TRIM29: variants seen among roughly 807,000 people sequenced by gnomAD.
TRIM29 encodes tripartite motif-containing protein 29.
A neutral mutation model predicts 57.3 loss-of-function variants in TRIM29; 52 were observed. The ratio of observed to expected loss-of-function variants is 0.91; its 90% CI spans 0.73 to 1.14. The LOEUF (loss-of-function observed/expected upper bound fraction) is 1.14, where lower values mean the gene tolerates loss of function less well. Ranked by LOEUF, TRIM29 falls within the 50% of genes most tolerant of loss-of-function variation. The pLI is 0.00. For synonymous variants in TRIM29, 319 were observed against 316.9 expected (o/e 1.01, Z -0.07); for missense variants, 753 against 774.6 (o/e 0.97, Z 0.33).
At position 120,112,166 on chromosome 11, in the gene TRIM29, G is replaced by A. The variant is rs1863150292; in HGVS notation, c.*248C>T. 2 of 472,998 alleles carry A rather than the reference G, an allele frequency of 4.2e-6. No individual in the cohort carries two copies. The highest frequency in any genetic ancestry group is 7.6e-6 in the Non-Finnish European group (2 of 261,452). 29.3% of individuals were successfully genotyped at this position (472,998 alleles called of 1,614,324 possible). ...CCTATCTCACCCCTGTGATGGGTTG[G>A]CCTCTGAGCACAGGAATGATGGTGA... is the stretch of plus-strand genomic sequence containing the variant. On this transcript the variant is annotated 3_prime_UTR_variant, in exon 9 of 9. Transcript: ENST00000341846.
At chr11:120,121,832 G>T in intron 5 of TRIM29, 1 of 370,106 alleles carries the variant, frequency 2.7e-6, no homozygotes, top group Non-Finnish European at 5.5e-6. Context: ...CCCAGGGCCT[G>T]GTCCATGGAT....
rs1863649082 is a variant in TRIM29, at chr11:120,128,521, G to C, written c.805-26C>G. 1.9e-6 allele frequency: 3 copies of C among 1,601,608 alleles called. No homozygotes were observed. The East Asian group carries it at 6.7e-5, about 36-fold the overall frequency. On this transcript the variant is annotated intron_variant, in intron 1 of 8. Transcript: ENST00000341846. ...CTGCAGAGAAAGAGCCAGGATTGGA[G>C]AAGTCAGGGGGAGGAGATGGAAGAG...
rs199655239 is a variant in TRIM29 at position 120,137,944 on chromosome 11, C to G, written c.88G>C (p.Glu30Gln). Residue 30 changes from glutamate to glutamine, a missense_variant, in exon 1 of 9, where the codon GAG becomes CAG. Glu to Gln is a conservative substitution (Grantham distance 29). Coordinates refer to ENST00000341846, the MANE Select transcript of TRIM29 (RefSeq NM_012101.4). The surrounding 1 kb of genome is among the most constrained non-coding windows in gnomAD (Gnocchi z 6.2). ...TTGCCGTCAGCCTTGGTGCCATTCT[C>G]CAGGCTGCCACTGGGGCCCGACGGG... ...RSPSGPSGSL[E>Q]NGTKADGKDA... 4 of 1,608,156 alleles carry G rather than the reference C, an allele frequency of 2.5e-6. No individual in the cohort carries two copies. Among genetic ancestry groups the G allele is most frequent in the Middle Eastern group, 3.3e-4 (2 of 6,078 alleles).
chr11:120,129,581 C>A (rs1217123254), intron 1 of TRIM29, among the ~76,000 whole-genome samples: 1 of 152,218 alleles, frequency 6.6e-6, no homozygotes, highest in Non-Finnish European at 1.5e-5. Flanking sequence ...GAATGGGAGT[C>A]CCATCAGCCA....
chr11:120,132,725 A>G (rs1863744264), intron 1 of TRIM29, among the ~76,000 whole-genome samples: 1 of 152,256 alleles, frequency 6.6e-6, no homozygotes, highest in Non-Finnish European at 1.5e-5. Context: ...GACATTTGCC[A>G]AATGAGCCAG....
rs540168622 is a variant in TRIM29 at position 120,128,390 on chromosome 11, G to A, written c.900+10C>T. Reference sequence around the variant, plus strand: ...AAGGGAGCAGCAAGGTGAGCTTGGGGGCTGCTCACCTTGATGCGGTCCTTC... The same window carrying A: ...AAGGGAGCAGCAAGGTGAGCTTGGGAGCTGCTCACCTTGATGCGGTCCTTC... On this transcript the variant is annotated intron_variant, in intron 2 of 8. Transcript: ENST00000341846. 1.9e-6 allele frequency: 3 copies of A among 1,609,686 alleles called. No individual in the cohort carries two copies. The Admixed American group carries it at 5.0e-5, about 27-fold the overall frequency.
chr11:120,131,450 C>T (rs1037320446), intron 1 of TRIM29, among the ~76,000 whole-genome samples: 1 of 152,066 alleles, frequency 6.6e-6, no homozygotes, highest in Non-Finnish European at 1.5e-5. Flanking sequence ...ATGTGGAAAC[C>T]TGTGAGGGCA....
Position 120,118,404 on chromosome 11 carries a change from ACT to A in TRIM29, c.1529-85_1529-84del, listed in dbSNP as rs1863339953. Reference sequence around the variant, plus strand: ...GGACCAGGACACAGCCAGGTCTATGACTCTCTAGCCGCTGGCCACAACTTAAG... The same window carrying A: ...GGACCAGGACACAGCCAGGTCTATGACTCTAGCCGCTGGCCACAACTTAAG... On this transcript the variant is annotated intron_variant, in intron 6 of 8. Transcript: ENST00000341846. 2.9e-6 allele frequency: 3 copies of A among 1,048,126 alleles called. No homozygotes were observed. The Admixed American group carries it at 7.1e-5, about 25-fold the overall frequency. The allele number at this position is 1,048,126 out of a possible 1,614,324, so 64.9% of individuals were successfully genotyped here. A position where few individuals can be genotyped will look rare whatever the true frequency, so the allele number is the denominator to read the frequency against.
intron 2 of TRIM29, 92 bp downstream of exon 2, chr11:120,128,308 G>A: frequency 1.9e-6 from 2 of 1,066,064 alleles, no homozygotes; most frequent in Non-Finnish European, 2.8e-6. Flanking sequence ...GTCTACGTGG[G>A]CCTGGGACTC....
At position 120,120,661 on chromosome 11, in the gene TRIM29, C is replaced by T. The variant is rs766946137; in HGVS notation, c.1440G>A (p.Gly480=). 19 of 1,613,628 alleles carry T rather than the reference C, an allele frequency of 1.2e-5. No homozygotes were observed. In the South Asian group the frequency reaches 1.6e-4, roughly 14 times the overall value. ...RYSMYLTPKG[G]VRTSYQPSSP... ...ACGAGGGCTGGTATGATGTCCGGAC[C>T]CCACCTGTGAAGCAGATGAAGGGGG... Residue 480 remains glycine, a synonymous_variant, in exon 6 of 9, where the codon GGG becomes GGA. Transcript: ENST00000341846.
At position 120,125,830 on chromosome 11, in the gene TRIM29, G is replaced by A. The variant is rs377695171; in HGVS notation, c.1194C>T (p.Val398=). The A allele has an allele frequency of 2.9e-5, 47 of 1,614,018 alleles. No individual in the cohort carries two copies. Among genetic ancestry groups the A allele is most frequent in the South Asian group, 1.1e-4 (10 of 91,076 alleles). The change falls in exon 4 of 9, where the codon GTC becomes GTT. Residue 398 remains valine, a synonymous_variant. Coordinates refer to ENST00000341846, the MANE Select transcript of TRIM29 (RefSeq NM_012101.4). ...SLPPPLPTYH[V]LLEGEGLGQS... ...GTCCCAGGCCCTCCCCCTCCAGCAG[G>A]ACATGATAGGTGGGCAGGGGTGGGG...
chr11:120,115,686 A>G (rs1488110478), intron 7 of TRIM29: 4 of 472,898 alleles, frequency 8.5e-6, no homozygotes, highest in African/African-American at 6.0e-5. Context: ...TGTTGCCCCC[A>G]CATCCAGCGC....
chr11:120,120,786 T>C (rs1863424194), intron 5 of TRIM29, 121 bp from the exon 6 acceptor site: 1 of 807,480 alleles, frequency 1.2e-6, no homozygotes, highest in African/African-American at 1.7e-5. Flanking sequence ...GAGAAGTCCT[T>C]TGGGTCTGAC....
At chr11:120,135,314 C>T (rs920880614) in intron 1 of TRIM29, among the ~76,000 whole-genome samples, 13 of 152,148 alleles carry the variant, frequency 8.5e-5, no homozygotes, top group African/African-American at 2.7e-4. Flanking sequence ...CCTGAGGCCT[C>T]GAAGACATGT....
In TRIM29 at chr11:120,137,157, G is replaced by A; in HGVS notation, c.804+71C>T. ...CCAAACCCGAGGAAGCCCGAGTGGAGAAGATGAAGTTCGGAGGGGTGGGGT... is the reference window on the plus strand; with the variant it reads ...CCAAACCCGAGGAAGCCCGAGTGGAAAAGATGAAGTTCGGAGGGGTGGGGT... On this transcript the variant is annotated intron_variant, in intron 1 of 8. Transcript: ENST00000341846. The surrounding 1 kb of genome is among the most constrained non-coding windows in gnomAD (Gnocchi z 6.2). 1 of 1,543,358 alleles carries A rather than the reference G, an allele frequency of 6.5e-7. No individual in the cohort carries two copies.
chr11:120,135,321 A>C (rs1037913832), intron 1 of TRIM29, among the ~76,000 whole-genome samples: 2 of 152,156 alleles, frequency 1.3e-5, no homozygotes, highest in African/African-American at 4.8e-5. Flanking sequence ...CCTCGAAGAC[A>C]TGTCTAAGAA....
chr11:120,137,139 C>G lies in TRIM29; in HGVS notation c.804+89G>C, dbSNP rs957613051. The G allele has an allele frequency of 1.4e-5, 20 of 1,454,232 alleles. No individual in the cohort carries two copies. The highest frequency in any genetic ancestry group is 5.6e-5 in the African/African-American group (4 of 71,090). 90.1% of individuals were successfully genotyped at this position (1,454,232 alleles called of 1,614,324 possible). A position where few individuals can be genotyped will look rare whatever the true frequency, so the allele number is the denominator to read the frequency against. ...ACAGTAGAAACTTAAGCCCCAAACC[C>G]GAGGAAGCCCGAGTGGAGAAGATGA... On this transcript the variant is annotated intron_variant, in intron 1 of 8. Coordinates refer to ENST00000341846, the MANE Select transcript of TRIM29 (RefSeq NM_012101.4). The surrounding 1 kb of genome is among the most constrained non-coding windows in gnomAD (Gnocchi z 6.2).
At chr11:120,118,095 C>G in intron 7 of TRIM29, 128 bp downstream of exon 7, 6 of 884,546 alleles carry the variant, frequency 6.8e-6, no homozygotes, top group Admixed American at 2.1e-5. Flanking sequence ...CTCCCGGGCT[C>G]TCAGGCCAGG....
In TRIM29 at chr11:120,125,290, G is replaced by T. The variant is rs1863556944; in HGVS notation, c.1333+401C>A. The T allele has an allele frequency of 1.2e-5, 3 of 250,646 alleles. No homozygotes were observed. In the South Asian group the frequency reaches 1.8e-4, roughly 15 times the overall value. The allele number at this position is 250,646 out of a possible 1,614,324, so 15.5% of individuals were successfully genotyped here. ...ATGGCTGCAGTTCTAGGTCACGTCT[G>T]CTAGAGTCTGCAAAGCCACCAGTTT... On this transcript the variant is annotated intron_variant, in intron 4 of 8. Transcript: ENST00000341846.
Sources: gnomAD v4.1 joint callset for allele counts (sites outside exome capture counted in the v4.1 genomes callset) on GRCh38, gnomAD v4.1.1 for gene constraint, Gnocchi (gnomAD v3.1) non-coding constraint, MANE v1.5 for transcripts, NCBI Gene and HGNC (gene_info 2026-07-23, HGNC 2026-07-21) for gene names.